The following COCH variants were observed in gnomAD, a reference collection of about 807,000 sequenced individuals.
COCH encodes the protein coagulation factor C homolog, cochlin (Limulus polyphemus).
In COCH, 40 loss-of-function variants were observed where a neutral mutation model predicts 54.8. The ratio of observed to expected loss-of-function variants is 0.73; its 90% CI spans 0.57 to 0.95. The LOEUF is 0.95. Among genes scored for constraint, COCH ranks in the 40% least tolerant of loss-of-function variants. The pLI is 0.00. For missense variants in COCH, 605 were observed against 675.0 expected (o/e 0.90, Z 1.15); for synonymous variants, 256 against 237.9 (o/e 1.08, Z -0.70).
intron 11 of COCH, among the ~76,000 whole-genome samples, chr14:30,888,555 A>G (rs548795304): frequency 6.6e-5 from 10 of 152,180 alleles, no homozygotes; most frequent in African/African-American, 1.9e-4. Context: ...GCCGAGGCAG[A>G]TGGATCGCTT....
intron 3 of COCH, chr14:30,876,621 T>A (rs1895364421): frequency 6.6e-6 from 1 of 152,160 alleles, no homozygotes; most frequent in Non-Finnish European, 1.5e-5. Context: ...GCTTCCTTAA[T>A]GTGTGAGTTT....
At position 30,874,609 on chromosome 14, in the gene COCH, G is replaced by GTATCATTAAAAAA; in HGVS notation, c.-24+18_-24+19insTATCATTAAAAAA. 3 of 501,044 alleles carry GTATCATTAAAAAA rather than the reference G, an allele frequency of 6.0e-6. No individual in the cohort carries two copies. The highest frequency in any genetic ancestry group is 7.4e-5 in the East Asian group (2 of 27,074). 31.0% of individuals were successfully genotyped at this position (501,044 alleles called of 1,614,324 possible). On this transcript the variant is annotated intron_variant, in intron 1 of 11. Coordinates refer to ENST00000396618, the MANE Select transcript of COCH (RefSeq NM_004086.3). The stretch of plus-strand genomic sequence containing the variant: ...TCGAGCAGGTGCGGAGCCCCGGGCG[G>GTATCATTAAAAAA]CGGGCGCGGGTGCGAGGGATCCCTG...
chr14:30,885,045 C>G (rs1478793044), intron 9 of COCH: 2 of 1,595,866 alleles, frequency 1.3e-6, no homozygotes. Context: ...CTTAGAGGTA[C>G]TAATCAGTCA....
At chr14:30,893,149 AT>A (rs754080275), downstream of COCH, among the ~76,000 whole-genome samples, 1,107 of 91,214 alleles carry the variant, frequency 0.012, no homozygotes, top group African/African-American at 0.022. Flanking sequence ...AAAAACCACA[AT>A]TTTTTTTTTT....
chr14:30,892,081 C>T (rs1457596106), downstream of COCH, among the ~76,000 whole-genome samples: 6 of 148,978 alleles, frequency 4.0e-5, no homozygotes. Context: ...AAGAAATCAA[C>T]ATATTAAGAT....
intron 8 of COCH, 72 bp downstream of exon 8, chr14:30,880,806 A>G (rs1895552634): frequency 2.7e-6 from 3 of 1,103,378 alleles, no homozygotes; most frequent in Middle Eastern, 2.2e-4. Flanking sequence ...AATTATATAT[A>G]CTTATGGGGT....
rs11297000 is a variant in COCH, at chr14:30,881,212, C to CAAA, written c.629+494_629+496dup. ...CCTGGGCAACAGTGAGACTATGTCT[C>CAAA]AAAAAAAAAAAAAAAAAAGAAAAAA... On this transcript the variant is annotated intron_variant, in intron 8 of 11. Coordinates refer to ENST00000396618, the MANE Select transcript of COCH (RefSeq NM_004086.3). 6.3e-3 allele frequency among the ~76,000 whole-genome samples: 591 copies of CAAA among 93,364 alleles called. 2 individuals carry two copies. The highest frequency in any genetic ancestry group is 0.01 in the Non-Finnish European group (446 of 43,726). 61.3% of individuals were successfully genotyped at this position (93,364 alleles called of 152,430 possible).
chr14:30,876,977 T>A (rs1055504166), intron 3 of COCH, among the ~76,000 whole-genome samples: 3 of 149,288 alleles, frequency 2.0e-5, no homozygotes, highest in African/African-American at 7.4e-5. Flanking sequence ...TAAAAAAAAT[T>A]TTTTTTTTTT....
At chr14:30,894,298 G>C (rs541575720), downstream of COCH, 24 of 152,470 alleles carry the variant, frequency 1.6e-4, no homozygotes, top group Admixed American at 1.3e-3. Context: ...ATATATCTTA[G>C]GGGGAACCAC....
chr14:30,879,333 AT>A, intron 5 of COCH, 89 bp from the exon 6 acceptor site: 1 of 1,308,646 alleles, frequency 7.6e-7, no homozygotes, highest in Non-Finnish European at 1.1e-6. Context: ...ACCCTATTAC[AT>A]TTGTCATTGT....
In COCH at chr14:30,886,179, T is replaced by C. The variant is rs1895785486; in HGVS notation, c.1344T>C (p.Asp448=). 6.2e-7 allele frequency: 1 copy of C among 1,610,774 alleles called. No individual in the cohort carries two copies. Among genetic ancestry groups the C allele is most frequent in the Non-Finnish European group, 8.5e-7 (1 of 1,177,466 alleles). The change falls in exon 11 of 12, where the codon GAT becomes GAC. Residue 448 remains aspartate (D), a synonymous_variant. Transcript: ENST00000396618. ...RYMSGGTATG[D]AISFTVRNVF... is the part of the protein sequence containing the mutation. ...TGAGTGGTGGAACAGCTACTGGTGA[T>C]GCCATTTCCTTCACTGTTAGAAATG...
chr14:30,890,225 G>A lies in COCH; in HGVS notation c.*434G>A. 1.0e-6 allele frequency: 1 copy of A among 988,176 alleles called. No individual in the cohort carries two copies. Among genetic ancestry groups the A allele is most frequent in the Non-Finnish European group, 1.2e-6 (1 of 831,634 alleles). The allele number at this position is 988,176 out of a possible 1,614,324, so 61.2% of individuals were successfully genotyped here. A position where few individuals can be genotyped will look rare whatever the true frequency, so the allele number is the denominator to read the frequency against. ...TAAATGAACACAGCTCTTTAACATG[G>A]TTCAGGTACACATATTTTGACCCAA... On this transcript the variant is annotated 3_prime_UTR_variant, in exon 12 of 12. Coordinates refer to ENST00000396618, the MANE Select transcript of COCH (RefSeq NM_004086.3).
chr14:30,877,743 A>G lies in COCH; in HGVS notation c.239+15A>G, dbSNP rs1330244008. 1.9e-6 allele frequency: 3 copies of G among 1,614,156 alleles called. No individual in the cohort carries two copies. The highest frequency in any genetic ancestry group is 1.7e-5 in the Admixed American group (1 of 60,020). On this transcript the variant is annotated intron_variant, in intron 4 of 11. Transcript: ENST00000396618. This position sits in a 1 kb window ranked among gnomAD's most constrained non-coding sequence, Gnocchi z 8.6. The stretch of plus-strand genomic sequence containing the variant: ...GCTGTCCACAGGTAAGCCCAAACAC[A>G]CCAGGGTGGGAGAGAAATGCAGACG...
chr14:30,879,415 T>C lies in COCH; in HGVS notation c.374-8T>C, dbSNP rs1255934454. ...AGGAAAAAAATAAGCTTATTTTTAT[T>C]TTAACAGAAGGCAAAAGTAGTACAC... On this transcript the variant is annotated splice_region_variant and splice_polypyrimidine_tract_variant and intron_variant, in intron 5 of 11. Coordinates refer to ENST00000396618, the MANE Select transcript of COCH (RefSeq NM_004086.3). The C allele has an allele frequency of 6.2e-7, 1 of 1,613,804 alleles. No individual in the cohort carries two copies. The highest frequency in any genetic ancestry group is 1.7e-5 in the Admixed American group (1 of 60,016).
chr14:30,891,922 T>C (rs564994900), downstream of COCH, among the ~76,000 whole-genome samples: 1 of 152,338 alleles, frequency 6.6e-6, no homozygotes, highest in East Asian at 1.9e-4. Context: ...ACAATCCAAC[T>C]TAAGCAAACA....
At chr14:30,881,915 G>T (rs1382728055) in intron 8 of COCH, among the ~76,000 whole-genome samples, 1 of 151,828 alleles carries the variant, frequency 6.6e-6, no homozygotes, top group Non-Finnish European at 1.5e-5. Flanking sequence ...AGTGAGCCAA[G>T]ATCGTGCCAC....
At chr14:30,879,595 A>C in intron 6 of COCH, 110 bp downstream of exon 6, 4 of 1,070,998 alleles carry the variant, frequency 3.7e-6, no homozygotes, top group Non-Finnish European at 2.9e-6. Flanking sequence ...ATTAAAGAGA[A>C]ACAAAGCAAA....
At chr14:30,874,650 T>G in intron 1 of COCH, 59 bp downstream of exon 1, 1 of 556,202 alleles carries the variant, frequency 1.8e-6, no homozygotes, top group East Asian at 3.1e-5. Context: ...TCTGTCCCTG[T>G]TTCTTTGTCG....
rs764852134 is a variant in COCH at position 30,885,611 on chromosome 14, T to C, written c.951T>C (p.Phe317=). The change falls in exon 10 of 12, where the codon TTT becomes TTC. Residue 317 remains phenylalanine (F), a synonymous_variant. Transcript: ENST00000396618. Reference sequence around the variant, plus strand: ...TGGGGATGGTTCAGGATGTCACATTTGTTGACAAGGTAAAGTGGTGAGGGT... The same window carrying C: ...TGGGGATGGTTCAGGATGTCACATTCGTTGACAAGGTAAAGTGGTGAGGGT... ...EELGMVQDVT[F]VDKAVCRNNG... 24 of 1,595,596 alleles carry C rather than the reference T, an allele frequency of 1.5e-5. No individual in the cohort carries two copies. Among genetic ancestry groups the C allele is most frequent in the Non-Finnish European group, 2.0e-5 (23 of 1,163,140 alleles).
Sources: allele counts gnomAD v4.1 joint callset (sites outside exome capture counted in the v4.1 genomes callset), GRCh38; gene constraint gnomAD v4.1.1; non-coding constraint Gnocchi (gnomAD v3.1); transcripts MANE v1.5; gene names NCBI Gene and HGNC (gene_info 2026-07-23, HGNC 2026-07-21).